GRID2: variants seen among roughly 807,000 people sequenced by gnomAD.
The protein encoded by GRID2 is glutamate receptor ionotropic, delta-2.
A neutral mutation model predicts 114.8 loss-of-function variants in GRID2; 33 were observed. The ratio of observed to expected loss-of-function variants is 0.29; its 90% confidence interval spans 0.22 to 0.38. GRID2 has a LOEUF of 0.38. Ranked by LOEUF, GRID2 falls within the 10% of genes least tolerant of loss-of-function variation. The pLI is 1.00. For missense variants in GRID2, 1,184 were observed against 1,257.7 expected, an observed-to-expected ratio of 0.94 and a Z score of 0.89; for synonymous variants, 505 against 449.9, an observed-to-expected ratio of 1.12 and a Z score of -1.55.
chr4:92,891,438 C>A (rs976935272), intron 2 of GRID2, among the ~76,000 whole-genome samples: 1 of 152,062 alleles, frequency 6.6e-6, no homozygotes, highest in African/African-American at 2.4e-5. Flanking sequence ...AAAGAGAAGT[C>A]CTGGATGAAC....
chr4:92,635,213 C>CTTTGA lies in GRID2; in HGVS notation c.244+44928_244+44932dup, dbSNP rs201216935. 8.8e-3 allele frequency among the ~76,000 whole-genome samples: 1,332 copies of CTTTGA among 152,180 alleles called. 19 individuals carry two copies. The highest frequency in any genetic ancestry group is 0.07 in the East Asian group (360 of 5,144). On this transcript the variant is annotated intron_variant, in intron 2 of 15. Transcript: ENST00000282020. ...TCTACTGCCTCAAAGTAAGCAGGACCTTTGAGCAAGCAGCACTTTGAGTTT... is the reference window on the plus strand; with the variant it reads ...TCTACTGCCTCAAAGTAAGCAGGACCTTTGATTTGAGCAAGCAGCACTTTGAGTTT...
At chr4:92,439,797 G>T (rs576482729) in intron 1 of GRID2, among the ~76,000 whole-genome samples, 1 of 146,242 alleles carries the variant, frequency 6.8e-6, no homozygotes, top group East Asian at 2.0e-4. Context: ...TGCCAGCAAA[G>T]ATTATTTATT....
intron 1 of GRID2, among the ~76,000 whole-genome samples, chr4:92,331,392 C>A (rs1726882511): frequency 6.6e-6 from 1 of 152,146 alleles, no homozygotes; most frequent in African/African-American, 2.4e-5. Context: ...GAGCATTGAT[C>A]TGTCTTCTAG....
At chr4:93,222,858 A>G (rs923307449) in intron 6 of GRID2, among the ~76,000 whole-genome samples, 2 of 152,076 alleles carry the variant, frequency 1.3e-5, no homozygotes, top group African/African-American at 4.8e-5. Flanking sequence ...CTAAAGACAC[A>G]TGCACACGTA....
chr4:93,781,505 G>T (rs1015562815), intron 1 of GRID2, among the ~76,000 whole-genome samples: 3 of 152,068 alleles, frequency 2.0e-5, no homozygotes, highest in Non-Finnish European at 2.9e-5. Context: ...TTTGCAGTGG[G>T]TCCCTCAGTG....
At chr4:93,090,536 T>A (rs1029784296) in intron 3 of GRID2, among the ~76,000 whole-genome samples, 1 of 152,032 alleles carries the variant, frequency 6.6e-6, no homozygotes, top group South Asian at 2.1e-4. Flanking sequence ...AGGGAAAAAA[T>A]TTATAATGGA....
At chr4:93,365,757 G>T (rs1197665042) in intron 8 of GRID2, among the ~76,000 whole-genome samples, 1 of 152,132 alleles carries the variant, frequency 6.6e-6, no homozygotes, top group Non-Finnish European at 1.5e-5. Context: ...CTAAAGTTAG[G>T]CATAATCAAA....
intron 1 of GRID2, among the ~76,000 whole-genome samples, chr4:92,349,534 TA>T (rs1182701072): frequency 1.3e-5 from 2 of 151,686 alleles, no homozygotes; most frequent in Non-Finnish European, 3.0e-5. Flanking sequence ...ATCAAGATTT[TA>T]CTTTTATTTA....
intron 8 of GRID2, among the ~76,000 whole-genome samples, chr4:93,334,983 C>T (rs1348900216): frequency 2.0e-5 from 3 of 151,642 alleles, no homozygotes; most frequent in East Asian, 3.9e-4. Context: ...TTTTCATAAA[C>T]AATCAATCAT....
At chr4:93,587,176 C>T (rs1737623422) in intron 13 of GRID2, among the ~76,000 whole-genome samples, 1 of 151,958 alleles carries the variant, frequency 6.6e-6, no homozygotes, top group African/African-American at 2.4e-5. Flanking sequence ...ACAGACTGCT[C>T]GAGACACTGA....
intron 2 of GRID2, among the ~76,000 whole-genome samples, chr4:93,019,806 T>G (rs1723107546): frequency 6.6e-6 from 1 of 152,178 alleles, no homozygotes; most frequent in South Asian, 2.1e-4. Flanking sequence ...TTAAGAGAGA[T>G]ATTAAAGGGT....
chr4:92,554,927 A>G (rs1176606019), intron 1 of GRID2, among the ~76,000 whole-genome samples: 2 of 152,102 alleles, frequency 1.3e-5, no homozygotes, highest in Non-Finnish European at 2.9e-5. Context: ...AGTTATGGTA[A>G]TTGTGTTTAT....
At chr4:93,137,982 T>TC (rs1229634109) in intron 4 of GRID2, among the ~76,000 whole-genome samples, 116 of 141,952 alleles carry the variant, frequency 8.2e-4, no homozygotes, top group South Asian at 7.2e-3. Flanking sequence ...TTTTTTTTTT[T>TC]TTTTTTTTGA....
chr4:93,487,670 G>C (rs74677259), intron 11 of GRID2, among the ~76,000 whole-genome samples: 1 of 151,720 alleles, frequency 6.6e-6, no homozygotes, highest in Non-Finnish European at 1.5e-5. Flanking sequence ...TAGTTTCTTA[G>C]CTTTCTTTTT....
At chr4:93,650,879 T>G (rs981993454) in intron 14 of GRID2, among the ~76,000 whole-genome samples, 1 of 150,464 alleles carries the variant, frequency 6.6e-6, no homozygotes, top group Non-Finnish European at 1.5e-5. Context: ...TAAAAGGAGT[T>G]GTCCCTTAAA....
chr4:93,725,776 G>T (rs1419761646), intron 14 of GRID2, among the ~76,000 whole-genome samples: 1 of 152,072 alleles, frequency 6.6e-6, no homozygotes, highest in Admixed American at 6.5e-5. Flanking sequence ...CTGCATAAAT[G>T]TCTTCTTTTG....
At chr4:92,331,799 A>G (rs761335686) in intron 1 of GRID2, among the ~76,000 whole-genome samples, 5 of 152,198 alleles carry the variant, frequency 3.3e-5, no homozygotes, top group Non-Finnish European at 7.3e-5. Flanking sequence ...CTTACTTTGA[A>G]TAAGATGAGG....
intron 2 of GRID2, among the ~76,000 whole-genome samples, chr4:92,657,541 ATATT>A (rs1479998945): frequency 6.6e-6 from 1 of 151,648 alleles, no homozygotes; most frequent in African/African-American, 2.4e-5. Flanking sequence ...ATACCACTGG[ATATT>A]TATTTATTTT....
chr4:92,699,256 C>A (rs1481966678), intron 2 of GRID2, among the ~76,000 whole-genome samples: 1 of 152,124 alleles, frequency 6.6e-6, no homozygotes, highest in Non-Finnish European at 1.5e-5. Context: ...CAGTTGGATT[C>A]ATTTCTCACT....
Sources: allele counts gnomAD v4.1 joint callset (sites outside exome capture counted in the v4.1 genomes callset), GRCh38; gene constraint gnomAD v4.1.1; transcripts MANE v1.5; gene names NCBI Gene and HGNC (gene_info 2026-07-23, HGNC 2026-07-21).